TNKS: variants seen among roughly 807,000 people sequenced by gnomAD.
TNKS encodes poly [ADP-ribose] polymerase tankyrase-1.
A neutral mutation model predicts 135.8 loss-of-function variants in TNKS; 72 were observed. That is an observed-to-expected ratio of 0.53 (90% confidence interval 0.44 to 0.64). The LOEUF is 0.64. TNKS is among the 30% of genes least tolerant of loss of function. The pLI is 0.00. For missense variants in TNKS, 1,769 were observed against 1,674.0 expected (o/e 1.06, Z -0.99); for synonymous variants, 849 against 649.3 (o/e 1.31, Z -4.68).
At chr8:9,556,717 T>G in intron 1 of TNKS, 105 bp downstream of exon 1, 1 of 1,344,984 alleles carries the variant, frequency 7.4e-7, no homozygotes, top group Non-Finnish European at 1.0e-6. Flanking sequence ...GGGGCGTGGT[T>G]ATGGTTCTTC....
intron 3 of TNKS, among the ~76,000 whole-genome samples, chr8:9,643,438 G>C (rs11249933): frequency 1.4e-5 from 2 of 142,488 alleles, no homozygotes; most frequent in Admixed American, 1.5e-4. Context: ...AATGGCTTCT[G>C]CGATAATAGC....
intron 1 of TNKS, among the ~76,000 whole-genome samples, chr8:9,560,493 C>CTCTTTTTTTTTTT (rs1797281030): frequency 4.7e-5 from 2 of 42,286 alleles, no homozygotes; most frequent in African/African-American, 2.4e-4. Flanking sequence ...CCATACTTGT[C>CTCTTTTTTTTTTT]TTTTTTTTTT....
chr8:9,721,731 A>G (rs1804890244), intron 12 of TNKS, among the ~76,000 whole-genome samples: 1 of 152,134 alleles, frequency 6.6e-6, no homozygotes, highest in African/African-American at 2.4e-5. Flanking sequence ...ACCTAACTGT[A>G]TAGGTACCTT....
At chr8:9,563,384 A>C (rs898660291) in intron 1 of TNKS, among the ~76,000 whole-genome samples, 4 of 152,042 alleles carry the variant, frequency 2.6e-5, no homozygotes, top group African/African-American at 9.7e-5. Context: ...GATAGTAAAT[A>C]TTTTAGGCTT....
At chr8:9,704,786 T>G (rs770239335) in intron 6 of TNKS, 29 bp downstream of exon 6, 1 of 1,578,416 alleles carries the variant, frequency 6.3e-7, no homozygotes, top group South Asian at 1.1e-5. Context: ...TTCCTGTCAG[T>G]GCTTTGTTTT....
At chr8:9,650,282 A>G (rs1452767592) in intron 3 of TNKS, among the ~76,000 whole-genome samples, 1 of 152,134 alleles carries the variant, frequency 6.6e-6, no homozygotes, top group Non-Finnish European at 1.5e-5. Flanking sequence ...TGCTGTAAAC[A>G]TGGGTGCAAG....
intron 11 of TNKS, among the ~76,000 whole-genome samples, chr8:9,718,575 A>G (rs940712392): frequency 2.0e-5 from 3 of 152,088 alleles, no homozygotes; most frequent in African/African-American, 7.2e-5. Context: ...TTGTGATTTT[A>G]TATAGTTTTA....
chr8:9,774,189 A>G (rs1219020815), intron 26 of TNKS, among the ~76,000 whole-genome samples: 1 of 152,220 alleles, frequency 6.6e-6, no homozygotes, highest in Non-Finnish European at 1.5e-5. Flanking sequence ...TTAGACATGA[A>G]GGAGAGGTGT....
chr8:9,686,609 G>C (rs537526299), intron 5 of TNKS, among the ~76,000 whole-genome samples: 2 of 152,264 alleles, frequency 1.3e-5, no homozygotes, highest in African/African-American at 4.8e-5. Flanking sequence ...GGAAGAATAA[G>C]TGAGGATTTT....
intron 5 of TNKS, among the ~76,000 whole-genome samples, chr8:9,687,019 C>T (rs1311203614): frequency 1.3e-5 from 2 of 152,146 alleles, no homozygotes; most frequent in African/African-American, 2.4e-5. Context: ...TGACTGTATC[C>T]TCACACTGGA....
intron 1 of TNKS, among the ~76,000 whole-genome samples, chr8:9,578,155 G>T (rs1002122864): frequency 2.0e-5 from 3 of 152,170 alleles, no homozygotes; most frequent in African/African-American, 7.2e-5. Flanking sequence ...TCCCATGGCT[G>T]CTCTCAAGGG....
At chr8:9,679,791 C>T (rs1436552645) in intron 3 of TNKS, 160 bp from the exon 4 acceptor site, 2 of 556,094 alleles carry the variant, frequency 3.6e-6, no homozygotes, top group Non-Finnish European at 6.5e-6. Flanking sequence ...ACTGGTGATG[C>T]TGCCTTCACA....
intron 26 of TNKS, among the ~76,000 whole-genome samples, chr8:9,773,261 C>T (rs1455972437): frequency 1.3e-5 from 2 of 151,804 alleles, no homozygotes; most frequent in African/African-American, 4.8e-5. Context: ...TTTAAACAAC[C>T]TAAATATTAA....
chr8:9,769,787 C>T (rs754923932), intron 25 of TNKS, among the ~76,000 whole-genome samples: 3 of 151,802 alleles, frequency 2.0e-5, no homozygotes, highest in Non-Finnish European at 2.9e-5. Context: ...ACCCGGCTAA[C>T]TTTTTGTATT....
chr8:9,749,593 A>G (rs141965917), intron 18 of TNKS, among the ~76,000 whole-genome samples: 16 of 151,462 alleles, frequency 1.1e-4, no homozygotes, highest in East Asian at 7.8e-4. Context: ...TCGTATCTCA[A>G]TCTCCTGAGT....
chr8:9,774,029 A>AT (rs1404813315), intron 26 of TNKS, among the ~76,000 whole-genome samples: 2 of 152,178 alleles, frequency 1.3e-5, no homozygotes, highest in Non-Finnish European at 2.9e-5. Context: ...AGTATTCGTT[A>AT]TTGGTGGGAA....
chr8:9,639,256 C>T (rs1247427352), intron 3 of TNKS, among the ~76,000 whole-genome samples: 1 of 152,076 alleles, frequency 6.6e-6, no homozygotes, highest in Non-Finnish European at 1.5e-5. Context: ...GTAGACCTAT[C>T]TTTAATTGGA....
At chr8:9,560,713 T>G (rs886408412) in intron 1 of TNKS, among the ~76,000 whole-genome samples, 2 of 151,942 alleles carry the variant, frequency 1.3e-5, no homozygotes, top group Non-Finnish European at 2.9e-5. Flanking sequence ...TGTCTGAGGA[T>G]GTAAGAAGGG....
intron 3 of TNKS, among the ~76,000 whole-genome samples, chr8:9,664,243 G>A (rs1366745803): frequency 6.6e-6 from 1 of 152,196 alleles, no homozygotes; most frequent in Non-Finnish European, 1.5e-5. Context: ...GGCAGAAGGT[G>A]AGGGGGAGTC....
Sources: gnomAD v4.1 joint callset for allele counts (sites outside exome capture counted in the v4.1 genomes callset) on GRCh38, gnomAD v4.1.1 for gene constraint, MANE v1.5 for transcripts, NCBI Gene and HGNC (gene_info 2026-07-23, HGNC 2026-07-21) for gene names.